The following GRM1 variants were observed in gnomAD, a reference collection of about 807,000 sequenced individuals.
GRM1 encodes metabotropic glutamate receptor 1.
In GRM1, 33 loss-of-function variants were observed where a neutral mutation model predicts 90.9. The observed-to-expected ratio is 0.36, with a 90% confidence interval of 0.28 to 0.49. The LOEUF (loss-of-function observed/expected upper bound fraction) is 0.49, where lower values mean the gene tolerates loss of function less well. Ranked by LOEUF, GRM1 falls within the 20% of genes least tolerant of loss-of-function variation. The pLI, the probability that GRM1 is intolerant of heterozygous loss-of-function variation, is 0.99. For synonymous variants in GRM1, 700 were observed against 613.2 expected (o/e 1.14, Z -2.09); for missense variants, 1,190 against 1,534.3 (o/e 0.78, Z 3.75).
Position 146,196,495 on chromosome 6 carries a change from C to CG in GRM1, c.950+36902dup, listed in dbSNP as rs1237751660. On this transcript the variant is annotated intron_variant, in intron 2 of 7. Coordinates refer to ENST00000282753, the MANE Select transcript of GRM1 (RefSeq NM_001278064.2). Reference sequence around the variant, plus strand: ...TTTTTTTTTTTTTTTTTAGTAGAGACGGGGTTTCACCATGTTAGCCAGGAT... The same window carrying CG: ...TTTTTTTTTTTTTTTTTAGTAGAGACGGGGGTTTCACCATGTTAGCCAGGAT... 4.9e-5 allele frequency among the ~76,000 whole-genome samples: 6 copies of CG among 122,614 alleles called. No homozygotes were observed. The East Asian group carries it at 1.4e-3, about 28-fold the overall frequency. 80.4% of individuals were successfully genotyped at this position (122,614 alleles called of 152,430 possible).
chr6:146,238,289 G>C (rs1244849966), intron 2 of GRM1, among the ~76,000 whole-genome samples: 2 of 152,088 alleles, frequency 1.3e-5, no homozygotes, highest in Non-Finnish European at 1.5e-5. Flanking sequence ...ACTATAAGCT[G>C]ACAGCATTAT....
At chr6:146,355,334 G>A (rs1260618456) in intron 4 of GRM1, among the ~76,000 whole-genome samples, 1 of 152,186 alleles carries the variant, frequency 6.6e-6, no homozygotes, top group African/African-American at 2.4e-5. Context: ...ATATCACTCA[G>A]AAAGATACTC....
intron 1 of GRM1, among the ~76,000 whole-genome samples, chr6:146,078,318 T>C (rs1052199580): frequency 3.3e-5 from 5 of 152,214 alleles, no homozygotes; most frequent in Non-Finnish European, 5.9e-5. Context: ...GCCTTCCTTA[T>C]GTGTTGTTTT....
At chr6:146,192,806 C>A (rs1038336811) in intron 2 of GRM1, among the ~76,000 whole-genome samples, 4 of 152,134 alleles carry the variant, frequency 2.6e-5, no homozygotes, top group Admixed American at 6.5e-5. Flanking sequence ...TTTAGTTATA[C>A]ATATGGTCTG....
chr6:146,037,254 C>A (rs1056385646), intron 1 of GRM1, among the ~76,000 whole-genome samples: 1 of 151,906 alleles, frequency 6.6e-6, no homozygotes, highest in Non-Finnish European at 1.5e-5. Flanking sequence ...TAATTGGATA[C>A]AGATTTTCGA....
At chr6:146,284,026 A>G (rs561898695) in intron 2 of GRM1, among the ~76,000 whole-genome samples, 2 of 152,268 alleles carry the variant, frequency 1.3e-5, no homozygotes, top group African/African-American at 4.8e-5. Flanking sequence ...GTGTCTGTCT[A>G]TTTGCCTGAG....
chr6:146,127,726 T>C (rs1015693596), intron 1 of GRM1, among the ~76,000 whole-genome samples: 1 of 152,232 alleles, frequency 6.6e-6, no homozygotes, highest in African/African-American at 2.4e-5. Context: ...TTCAGCAAGA[T>C]TTCAATCTCC....
At chr6:146,349,252 T>A (rs1272339992) in intron 3 of GRM1, among the ~76,000 whole-genome samples, 65 of 150,450 alleles carry the variant, frequency 4.3e-4, no homozygotes, top group South Asian at 2.9e-3. Flanking sequence ...TTTTATTTTT[T>A]TTTTATTTTT....
chr6:146,185,170 G>C (rs1296070261), intron 2 of GRM1, among the ~76,000 whole-genome samples: 1 of 152,052 alleles, frequency 6.6e-6, no homozygotes, highest in African/African-American at 2.4e-5. Context: ...CTTAATACCA[G>C]GTCTGAATAT....
intron 3 of GRM1, chr6:146,340,517 G>A (rs914653864): frequency 3.3e-5 from 5 of 152,302 alleles, no homozygotes; most frequent in Admixed American, 1.3e-4. Context: ...AGAAATCAGA[G>A]CATGGGACCA....
chr6:146,205,984 G>C (rs1779481950), intron 2 of GRM1, among the ~76,000 whole-genome samples: 1 of 152,124 alleles, frequency 6.6e-6, no homozygotes, highest in Non-Finnish European at 1.5e-5. Flanking sequence ...GATCTCTATA[G>C]GTTCTGGGAC....
intron 2 of GRM1, among the ~76,000 whole-genome samples, chr6:146,225,625 T>C (rs1780212871): frequency 6.6e-6 from 1 of 152,146 alleles, no homozygotes; most frequent in Non-Finnish European, 1.5e-5. Context: ...GCCATTAATA[T>C]TCTTATTTGG....
chr6:146,194,988 TACA>T (rs1172578002), intron 2 of GRM1, among the ~76,000 whole-genome samples: 1 of 152,240 alleles, frequency 6.6e-6, no homozygotes, highest in Non-Finnish European at 1.5e-5. Flanking sequence ...AATGAGTTAC[TACA>T]TGTAAAACAC....
intron 3 of GRM1, among the ~76,000 whole-genome samples, chr6:146,307,245 C>T (rs1022857678): frequency 6.6e-6 from 1 of 152,080 alleles, no homozygotes; most frequent in African/African-American, 2.4e-5. Flanking sequence ...TGTTTAAGAG[C>T]TTCTTATATG....
intron 2 of GRM1, among the ~76,000 whole-genome samples, chr6:146,236,956 A>T (rs2114719247): frequency 6.6e-6 from 1 of 152,250 alleles, no homozygotes; most frequent in South Asian, 2.1e-4. Context: ...CAAGGGCTGT[A>T]TGATGTCACA....
At chr6:146,262,841 C>T (rs1417603586) in intron 2 of GRM1, among the ~76,000 whole-genome samples, 2 of 151,156 alleles carry the variant, frequency 1.3e-5, no homozygotes, top group Non-Finnish European at 3.0e-5. Context: ...TAAATGTATA[C>T]ATATATATAT....
chr6:146,053,782 C>T (rs143492618), intron 1 of GRM1, among the ~76,000 whole-genome samples: 1 of 152,128 alleles, frequency 6.6e-6, no homozygotes, highest in African/African-American at 2.4e-5. Context: ...CCCCTTCCTC[C>T]TTAGGTAATT....
chr6:146,064,457 A>G (rs114100310), intron 1 of GRM1, among the ~76,000 whole-genome samples: 154 of 152,320 alleles, frequency 1.0e-3, no homozygotes, highest in African/African-American at 3.7e-3. Context: ...CCAATGTTTT[A>G]GCCATGCTTT....
intron 2 of GRM1, among the ~76,000 whole-genome samples, chr6:146,206,826 C>T (rs1366881864): frequency 7.2e-5 from 11 of 152,022 alleles, no homozygotes; most frequent in Non-Finnish European, 1.5e-4. Flanking sequence ...AGAGTAGACC[C>T]CAGAGTCTGT....
Sources: gnomAD v4.1 joint callset for allele counts (sites outside exome capture counted in the v4.1 genomes callset) on GRCh38, gnomAD v4.1.1 for gene constraint, MANE v1.5 for transcripts, NCBI Gene and HGNC (gene_info 2026-07-23, HGNC 2026-07-21) for gene names.